The following SPAG16 variants were observed in gnomAD, a reference collection of about 807,000 sequenced individuals.
SPAG16 encodes sperm associated antigen 16.
Under a neutral mutation model 80.4 loss-of-function variants are expected in SPAG16, and 86 were observed. The observed-to-expected ratio is 1.07, with a 90% CI of 0.90 to 1.28. SPAG16 has a LOEUF of 1.28. Among genes scored for constraint, SPAG16 ranks in the 50% most tolerant of loss-of-function variants. SPAG16 has a pLI of 0.00. For synonymous variants in SPAG16, 294 were observed against 265.9 expected (o/e 1.11, Z -1.03); for missense variants, 870 against 765.3 (o/e 1.14, Z -1.61).
intron 12 of SPAG16, among the ~76,000 whole-genome samples, chr2:214,008,166 C>T (rs1374984898): frequency 1.3e-5 from 2 of 151,922 alleles, no homozygotes; most frequent in East Asian, 3.9e-4. Flanking sequence ...TTTTGCTCAC[C>T]CAGCTAACAT....
chr2:213,732,471 C>T (rs2067095209), intron 10 of SPAG16, among the ~76,000 whole-genome samples: 1 of 152,162 alleles, frequency 6.6e-6, no homozygotes, highest in African/African-American at 2.4e-5. Context: ...GTTACTATAG[C>T]CCTATAGTAT....
intron 13 of SPAG16, among the ~76,000 whole-genome samples, chr2:214,105,077 G>A (rs538706446): frequency 3.9e-5 from 6 of 152,166 alleles, no homozygotes; most frequent in African/African-American, 1.2e-4. Flanking sequence ...TCCTACAGGC[G>A]CTTCCCTCTG....
At chr2:213,616,575 C>T (rs1358442424) in intron 10 of SPAG16, among the ~76,000 whole-genome samples, 1 of 152,198 alleles carries the variant, frequency 6.6e-6, no homozygotes, top group East Asian at 1.9e-4. Flanking sequence ...CTTACTTTTT[C>T]TCAAAATATG....
chr2:213,379,345 CA>C (rs1466104822), intron 9 of SPAG16, among the ~76,000 whole-genome samples: 1 of 152,186 alleles, frequency 6.6e-6, no homozygotes, highest in Non-Finnish European at 1.5e-5. Context: ...AAAGTATTGT[CA>C]CCTAGTTCGT....
At chr2:213,891,170 G>A (rs982088945) in intron 11 of SPAG16, among the ~76,000 whole-genome samples, 6 of 151,712 alleles carry the variant, frequency 4.0e-5, no homozygotes, top group African/African-American at 1.5e-4. Flanking sequence ...GTCATTAATG[G>A]GTCGCTATTA....
At chr2:213,705,278 G>T (rs2065694639) in intron 10 of SPAG16, among the ~76,000 whole-genome samples, 1 of 151,604 alleles carries the variant, frequency 6.6e-6, no homozygotes, top group African/African-American at 2.4e-5. Flanking sequence ...GAGAGAGGGA[G>T]GGAGGAAGGG....
intron 9 of SPAG16, among the ~76,000 whole-genome samples, chr2:213,408,573 AAC>A (rs2068793144): frequency 1.4e-5 from 2 of 146,550 alleles, no homozygotes; most frequent in African/African-American, 2.8e-5. Flanking sequence ...CAGGTTTCCT[AAC>A]AGGGGATTTA....
At chr2:213,384,416 C>A (rs1356856530) in intron 9 of SPAG16, among the ~76,000 whole-genome samples, 5 of 152,142 alleles carry the variant, frequency 3.3e-5, no homozygotes, top group Non-Finnish European at 5.9e-5. Flanking sequence ...GTGAGCCAGA[C>A]CTGGGCAAGC....
chr2:213,987,989 C>T (rs1001208984), intron 12 of SPAG16, among the ~76,000 whole-genome samples: 1 of 151,348 alleles, frequency 6.6e-6, no homozygotes, highest in African/African-American at 2.4e-5. Context: ...ATTTTAAATA[C>T]ATACATCTTA....
At chr2:213,988,709 C>A (rs929146318) in intron 12 of SPAG16, among the ~76,000 whole-genome samples, 13 of 151,436 alleles carry the variant, frequency 8.6e-5, no homozygotes, top group Admixed American at 8.6e-4. Context: ...AAATAGCTCC[C>A]AAAATATAAA....
chr2:214,340,185 C>A (rs1249937997), intron 15 of SPAG16, among the ~76,000 whole-genome samples: 1 of 152,178 alleles, frequency 6.6e-6, no homozygotes, highest in African/African-American at 2.4e-5. Context: ...ATCCAGATCC[C>A]TGTTCCTTAA....
intron 10 of SPAG16, among the ~76,000 whole-genome samples, chr2:213,732,460 G>A (rs570737363): frequency 6.6e-6 from 1 of 152,252 alleles, no homozygotes; most frequent in South Asian, 2.1e-4. Context: ...GCCCTGTTTT[G>A]GTTACTATAG....
intron 3 of SPAG16, among the ~76,000 whole-genome samples, chr2:213,297,739 G>A (rs2062567530): frequency 6.6e-6 from 1 of 152,008 alleles, no homozygotes; most frequent in South Asian, 2.1e-4. Context: ...TAATCTTACA[G>A]GGAATGCTTA....
intron 12 of SPAG16, among the ~76,000 whole-genome samples, chr2:213,975,326 A>G (rs1302881140): frequency 6.6e-6 from 1 of 151,246 alleles, no homozygotes; most frequent in Non-Finnish European, 1.5e-5. Flanking sequence ...TAAAAATAAT[A>G]TTAATATGCA....
At chr2:213,574,199 C>G (rs2060031736) in intron 10 of SPAG16, among the ~76,000 whole-genome samples, 1 of 152,076 alleles carries the variant, frequency 6.6e-6, no homozygotes, top group East Asian at 1.9e-4. Flanking sequence ...GAAAAACTGT[C>G]TAATCTTGTT....
At chr2:214,248,073 C>G (rs1204648559) in intron 15 of SPAG16, among the ~76,000 whole-genome samples, 1 of 151,622 alleles carries the variant, frequency 6.6e-6, no homozygotes, top group Non-Finnish European at 1.5e-5. Flanking sequence ...AATTTATAGT[C>G]ATTAAAATTA....
intron 10 of SPAG16, among the ~76,000 whole-genome samples, chr2:213,788,026 G>A (rs890540892): frequency 1.1e-4 from 16 of 151,830 alleles, no homozygotes; most frequent in Non-Finnish European, 2.1e-4. Flanking sequence ...TAGGACAATT[G>A]GCACTCTTAG....
chr2:213,667,312 C>A (rs558264109), intron 10 of SPAG16, among the ~76,000 whole-genome samples: 5 of 152,140 alleles, frequency 3.3e-5, no homozygotes, highest in Admixed American at 2.0e-4. Context: ...TGAAGCAGTT[C>A]CATAGAAACA....
chr2:213,368,912 G>C (rs1432556936), intron 8 of SPAG16, among the ~76,000 whole-genome samples: 1 of 152,160 alleles, frequency 6.6e-6, no homozygotes, highest in Non-Finnish European at 1.5e-5. Flanking sequence ...TGAAGTAAAA[G>C]AGGACACAAA....
Sources: allele counts gnomAD v4.1 joint callset (sites outside exome capture counted in the v4.1 genomes callset), GRCh38; gene constraint gnomAD v4.1.1; transcripts MANE v1.5; gene names NCBI Gene and HGNC (gene_info 2026-07-23, HGNC 2026-07-21).